The following UTY variants were observed in gnomAD, a reference collection of about 807,000 sequenced individuals.
UTY encodes histone demethylase UTY.
UTY carries 12 observed loss-of-function variants against 32.5 expected under a neutral mutation model. The observed-to-expected ratio is 0.37, with a 90% CI of 0.24 to 0.60. The LOEUF (loss-of-function observed/expected upper bound fraction) is 0.60. UTY is among the 20% of genes least tolerant of loss of function. The pLI is 0.69. For missense variants in UTY, 303 were observed against 299.2 expected, an observed-to-expected ratio of 1.01 and a Z score of -0.09; for synonymous variants, 131 against 103.4, an observed-to-expected ratio of 1.27 and a Z score of -1.62.
chrY:13,471,823 A>T, intron 2 of UTY, among the ~76,000 whole-genome samples: 1 of 28,589 alleles, frequency 3.5e-5, no homozygotes. Context: ...ACCCCGGCTC[A>T]AAAAAAAAAA....
chrY:13,261,780 T>C (rs2055291846), intron 27 of UTY, among the ~76,000 whole-genome samples: 1 of 33,632 alleles, frequency 3.0e-5, no homozygotes, highest in African/African-American at 1.2e-4. Context: ...TCCTTAAGTA[T>C]CATATAAAAT....
At chrY:13,428,482 AT>A (rs2073620431) in intron 4 of UTY, among the ~76,000 whole-genome samples, 1 of 33,468 alleles carries the variant, frequency 3.0e-5, no homozygotes, top group Non-Finnish European at 7.4e-5. Flanking sequence ...ACCTTGTCTA[AT>A]AACAGCTGGT....
At position 13,479,648 on chromosome Y, in the gene UTY, C is replaced by T. The variant is rs1200220619; in HGVS notation, c.18G>A (p.Val6=). 1 of 394,804 alleles carries T rather than the reference C, an allele frequency of 2.5e-6. No homozygotes were observed. The highest frequency in any genetic ancestry group is 7.6e-5 in the Admixed American group (1 of 13,150). The change falls in exon 1 of 30, where the codon GTG becomes GTA. Residue 6 remains valine, a synonymous_variant. Coordinates refer to ENST00000545955, the MANE Select transcript of UTY (RefSeq NM_001258249.2). MKSCA[V]SLTTAAVAFG... is the part of the protein sequence containing the mutation. ...AGGCAACAGCGGCGGTAGTGAGCGA[C>T]ACTGCGCAGGATTTCATGGAAACAA...
At chrY:13,352,139 A>AT (rs775093467) in intron 17 of UTY, among the ~76,000 whole-genome samples, 17 of 32,816 alleles carry the variant, frequency 5.2e-4, no homozygotes, top group African/African-American at 2.0e-3. Flanking sequence ...CAGTCCTTCT[A>AT]TTTTTTTCCC....
chrY:13,478,406 C>G, intron 2 of UTY, among the ~76,000 whole-genome samples: 1 of 33,399 alleles, frequency 3.0e-5, no homozygotes. Flanking sequence ...TTGGAGATAA[C>G]GCAAGAATTC....
chrY:13,468,144 T>A, intron 3 of UTY, among the ~76,000 whole-genome samples: 1 of 31,738 alleles, frequency 3.2e-5, no homozygotes, highest in African/African-American at 1.2e-4. Context: ...TGGTGGCGCA[T>A]GCTTGTAATT....
At chrY:13,314,408 T>C (rs764890479) in intron 21 of UTY, among the ~76,000 whole-genome samples, 1 of 33,521 alleles carries the variant, frequency 3.0e-5, no homozygotes, top group Non-Finnish European at 7.4e-5. Flanking sequence ...AGCAAGACTC[T>C]ATCTCAAGAA....
chrY:13,468,158 G>A, intron 3 of UTY, among the ~76,000 whole-genome samples: 1 of 31,833 alleles, frequency 3.1e-5, no homozygotes, highest in Admixed American at 2.9e-4. Flanking sequence ...TGTAATTCCA[G>A]CTACTTGGCA....
intron 28 of UTY, among the ~76,000 whole-genome samples, chrY:13,243,244 CAA>C (rs2053922432): frequency 3.5e-5 from 1 of 28,395 alleles, no homozygotes; most frequent in African/African-American, 1.4e-4. Flanking sequence ...TCAAAAAATA[CAA>C]AATAAAATAA....
At chrY:13,428,921 A>AT (rs2073686441) in intron 4 of UTY, among the ~76,000 whole-genome samples, 2 of 33,457 alleles carry the variant, frequency 6.0e-5, no homozygotes, top group African/African-American at 2.3e-4. Flanking sequence ...ATTCCTATAT[A>AT]TTTTTTTGTA....
intron 8 of UTY, among the ~76,000 whole-genome samples, chrY:13,383,595 A>G: frequency 2.8e-4 from 9 of 31,596 alleles, no homozygotes; most frequent in Non-Finnish European, 6.9e-4. Context: ...AAAAAAAAAA[A>G]AGGACTGAAA....
chrY:13,452,821 C>T, intron 3 of UTY, among the ~76,000 whole-genome samples: 1 of 33,765 alleles, frequency 3.0e-5, no homozygotes, highest in Non-Finnish European at 7.4e-5. Context: ...AAGAACCAGA[C>T]GTAAATGTAC....
At chrY:13,398,852 G>A in intron 6 of UTY, among the ~76,000 whole-genome samples, 3 of 33,205 alleles carry the variant, frequency 9.0e-5, no homozygotes, top group Non-Finnish European at 7.5e-5. Flanking sequence ...CATTAGGACA[G>A]GTACTATGAA....
intron 3 of UTY, among the ~76,000 whole-genome samples, chrY:13,449,685 ACT>A (rs2076167054): frequency 3.0e-5 from 1 of 33,274 alleles, no homozygotes; most frequent in Non-Finnish European, 7.4e-5. Flanking sequence ...AACTAGGAAA[ACT>A]CATCACTTTA....
chrY:13,403,380 G>A, intron 6 of UTY, among the ~76,000 whole-genome samples: 1 of 31,184 alleles, frequency 3.2e-5, no homozygotes, highest in African/African-American at 1.3e-4. Context: ...TGGAACCGCC[G>A]AATCTCAGGT....
chrY:13,253,123 G>T, intron 28 of UTY, among the ~76,000 whole-genome samples: 1 of 33,352 alleles, frequency 3.0e-5, no homozygotes, highest in African/African-American at 1.2e-4. Flanking sequence ...GAGGACACCC[G>T]AGTACTCTTA....
chrY:13,387,939 T>C (rs2067089124), intron 8 of UTY, among the ~76,000 whole-genome samples: 1 of 34,277 alleles, frequency 2.9e-5, no homozygotes, highest in African/African-American at 1.1e-4. Context: ...ATTTTCAAAC[T>C]TGTTATATTT....
chrY:13,337,352 C>T, intron 17 of UTY, among the ~76,000 whole-genome samples: 1 of 32,915 alleles, frequency 3.0e-5, no homozygotes, highest in South Asian at 6.8e-4. Context: ...CTAATCTTAA[C>T]AAAAATCTTT....
chrY:13,377,114 A>T (rs777715588), intron 8 of UTY, among the ~76,000 whole-genome samples: 2 of 33,870 alleles, frequency 5.9e-5, no homozygotes, highest in African/African-American at 2.3e-4. Context: ...AAGAAATTGA[A>T]TTATAAAATT....
Sources: gnomAD v4.1 joint callset for allele counts (sites outside exome capture counted in the v4.1 genomes callset) on GRCh38, gnomAD v4.1.1 for gene constraint, MANE v1.5 for transcripts, NCBI Gene and HGNC (gene_info 2026-07-23, HGNC 2026-07-21) for gene names.